MKLN1: variants seen among roughly 807,000 people sequenced by gnomAD.
MKLN1 encodes muskelin 1.
MKLN1 carries 18 observed loss-of-function variants against 99.0 expected under a neutral mutation model. The observed-to-expected ratio is 0.18, with a 90% CI of 0.13 to 0.27. MKLN1 has a LOEUF of 0.27. Ranked by LOEUF, MKLN1 falls within the 10% of genes least tolerant of loss-of-function variation. The pLI, the probability that MKLN1 is intolerant of heterozygous loss-of-function variation, is 1.00. For missense variants in MKLN1, 621 were observed against 875.9 expected (o/e 0.71, Z 3.67); for synonymous variants, 288 against 293.2 (o/e 0.98, Z 0.18).
intron 3 of MKLN1, among the ~76,000 whole-genome samples, chr7:131,278,113 G>C (rs954604263): frequency 6.6e-6 from 1 of 151,956 alleles, no homozygotes; most frequent in Non-Finnish European, 1.5e-5. Flanking sequence ...CGTGATCTCA[G>C]CTCACTGCAA....
In MKLN1 at chr7:131,488,700, G is replaced by A. The variant is rs183913713; in HGVS notation, c.*972G>A. 3.9e-5 allele frequency: 6 copies of A among 152,428 alleles called. No homozygotes were observed. The East Asian group carries it at 1.2e-3, about 29-fold the overall frequency. 9.4% of individuals were successfully genotyped at this position (152,428 alleles called of 1,614,324 possible). On this transcript the variant is annotated 3_prime_UTR_variant, in exon 18 of 18. Coordinates refer to ENST00000352689, the MANE Select transcript of MKLN1 (RefSeq NM_013255.5). ...GAGGAGGCTGAGTTTCCAGAGCTTT[G>A]CTTTCATTTATTTTTATACACATTG...
At chr7:131,167,845 A>G (rs1286633131) in intron 2 of MKLN1, among the ~76,000 whole-genome samples, 1 of 152,204 alleles carries the variant, frequency 6.6e-6, no homozygotes, top group African/African-American at 2.4e-5. Flanking sequence ...ACTTGTTAAA[A>G]GGATAGTTAT....
At chr7:131,362,029 C>A (rs150579457) in intron 1 of MKLN1, among the ~76,000 whole-genome samples, 9 of 152,030 alleles carry the variant, frequency 5.9e-5, no homozygotes, top group African/African-American at 1.9e-4. Flanking sequence ...GTTAACTATG[C>A]CTTTAAACTT....
intron 2 of MKLN1, among the ~76,000 whole-genome samples, chr7:131,145,389 T>A (rs74589236): frequency 0.084 from 12,724 of 152,152 alleles, 686 homozygotes; most frequent in South Asian, 0.18. Context: ...CACAGTGGGA[T>A]GTAGCTTTAA....
chr7:131,197,351 G>A (rs1385166797), intron 2 of MKLN1, among the ~76,000 whole-genome samples: 5 of 150,752 alleles, frequency 3.3e-5, no homozygotes, highest in Admixed American at 6.6e-5. Flanking sequence ...CTACAAATGC[G>A]TGCCACCATG....
intron 2 of MKLN1, among the ~76,000 whole-genome samples, chr7:131,154,372 GC>G (rs1201962547): frequency 6.6e-6 from 1 of 152,116 alleles, no homozygotes; most frequent in African/African-American, 2.4e-5. Flanking sequence ...GTGAGCCACC[GC>G]CCCGGCCTAA....
chr7:131,231,145 T>C (rs952630954), intron 3 of MKLN1, among the ~76,000 whole-genome samples: 13 of 95,282 alleles, frequency 1.4e-4, no homozygotes, highest in Middle Eastern at 5.3e-3. Context: ...AAAAAAAAGG[T>C]TTTAAATCTG....
chr7:131,121,957 A>G (rs555297433), intron 1 of MKLN1, among the ~76,000 whole-genome samples: 1 of 152,378 alleles, frequency 6.6e-6, no homozygotes, highest in Non-Finnish European at 1.5e-5. Context: ...AGAAACCAGG[A>G]GACTACGGGG....
intron 8 of MKLN1, among the ~76,000 whole-genome samples, chr7:131,424,935 T>C (rs1254774252): frequency 6.6e-6 from 1 of 152,234 alleles, no homozygotes; most frequent in African/African-American, 2.4e-5. Flanking sequence ...TATCCTGTTA[T>C]TTAATCCCTT....
chr7:131,136,751 A>T (rs1433274431), intron 1 of MKLN1, among the ~76,000 whole-genome samples: 1 of 152,096 alleles, frequency 6.6e-6, no homozygotes, highest in Admixed American at 6.6e-5. Context: ...GTCTGCTCTT[A>T]TTTGTTGGTG....
chr7:131,436,021 G>A (rs1338894224), intron 9 of MKLN1, among the ~76,000 whole-genome samples: 1 of 152,096 alleles, frequency 6.6e-6, no homozygotes, highest in African/African-American at 2.4e-5. Context: ...TTATGGCATA[G>A]ATTTATTATA....
chr7:131,181,472 C>A (rs1009791320), intron 2 of MKLN1, among the ~76,000 whole-genome samples: 1 of 151,992 alleles, frequency 6.6e-6, no homozygotes, highest in Non-Finnish European at 1.5e-5. Context: ...TTTTGGGAGG[C>A]CAAGGCAGGA....
chr7:131,235,921 C>T (rs1797314999), intron 3 of MKLN1, among the ~76,000 whole-genome samples: 1 of 152,200 alleles, frequency 6.6e-6, no homozygotes, highest in East Asian at 1.9e-4. Context: ...CCTTGGAAAC[C>T]AATGCATCAT....
intron 3 of MKLN1, among the ~76,000 whole-genome samples, chr7:131,226,669 T>C (rs1327774948): frequency 6.6e-6 from 1 of 152,168 alleles, no homozygotes; most frequent in South Asian, 2.1e-4. Flanking sequence ...GGGTTTTTGG[T>C]TGATGAAGTT....
In MKLN1 at chr7:131,495,341, A is replaced by C. The variant is rs533176586; in HGVS notation, c.*7613A>C. The C allele has an allele frequency of 3.9e-5, 6 of 152,230 alleles. No individual in the cohort carries two copies. Among genetic ancestry groups the C allele is most frequent in the Non-Finnish European group, 7.3e-5 (5 of 68,044 alleles). 9.4% of individuals were successfully genotyped at this position (152,230 alleles called of 1,614,324 possible). On this transcript the variant is annotated 3_prime_UTR_variant, in exon 18 of 18. Transcript: ENST00000352689. ...CTGTGAATCGCTCCTTCTGTTTGTG[A>C]AAACATCTCCTGGACTGGAAATGTG...
intron 3 of MKLN1, among the ~76,000 whole-genome samples, chr7:131,241,199 GAA>G (rs1246621244): frequency 6.6e-6 from 1 of 151,932 alleles, no homozygotes; most frequent in East Asian, 1.9e-4. Flanking sequence ...CCAACATGGT[GAA>G]ACCCTGTCTC....
intron 3 of MKLN1, among the ~76,000 whole-genome samples, chr7:131,256,550 A>G (rs1235524981): frequency 1.3e-5 from 2 of 152,266 alleles, no homozygotes; most frequent in East Asian, 3.8e-4. Context: ...GTAAGAAATG[A>G]CATGAGATGG....
At chr7:131,226,931 A>G (rs769298614) in intron 3 of MKLN1, among the ~76,000 whole-genome samples, 9 of 152,222 alleles carry the variant, frequency 5.9e-5, no homozygotes, top group Admixed American at 1.3e-4. Context: ...ATCTGATGTC[A>G]GAATGGATTC....
At chr7:131,165,131 T>C (rs1279392730) in intron 2 of MKLN1, among the ~76,000 whole-genome samples, 1 of 151,804 alleles carries the variant, frequency 6.6e-6, no homozygotes, top group Non-Finnish European at 1.5e-5. Context: ...ATCCCGGAAG[T>C]GTGGGTAGGA....
Sources: allele counts gnomAD v4.1 joint callset (sites outside exome capture counted in the v4.1 genomes callset), GRCh38; gene constraint gnomAD v4.1.1; transcripts MANE v1.5; gene names NCBI Gene and HGNC (gene_info 2026-07-23, HGNC 2026-07-21).